Variants in MAP2K4 observed in about 807,000 individuals in gnomAD.
MAP2K4 encodes mitogen-activated protein kinase kinase 4, also known as dual specificity mitogen-activated protein kinase kinase 4.
In MAP2K4, 4 loss-of-function variants were observed where a neutral mutation model predicts 48.5. The observed-to-expected ratio is 0.08, with a 90% confidence interval of 0.04 to 0.19. The LOEUF (loss-of-function observed/expected upper bound fraction) is 0.19. Among genes scored for constraint, MAP2K4 ranks in the 10% least tolerant of loss-of-function variants. MAP2K4 has a pLI of 1.00. For synonymous variants in MAP2K4, 166 were observed against 173.1 expected, an observed-to-expected ratio of 0.96 and a Z score of 0.32; for missense variants, 258 against 493.3, an observed-to-expected ratio of 0.52 and a Z score of 4.52.
At chr17:12,099,963 G>A (rs1285229694) in intron 4 of MAP2K4, among the ~76,000 whole-genome samples, 2 of 152,156 alleles carry the variant, frequency 1.3e-5, no homozygotes, top group Non-Finnish European at 2.9e-5. Flanking sequence ...AGAAGGCAGT[G>A]ATGCTGGCTG....
At chr17:12,053,231 G>GC (rs1970195051) in intron 1 of MAP2K4, among the ~76,000 whole-genome samples, 4 of 151,798 alleles carry the variant, frequency 2.6e-5, no homozygotes, top group Non-Finnish European at 4.4e-5. Context: ...TTTTCTACCA[G>GC]CAATATATCT....
chr17:12,026,620 T>TG (rs1281626976), intron 1 of MAP2K4, among the ~76,000 whole-genome samples: 1 of 152,238 alleles, frequency 6.6e-6, no homozygotes, highest in African/African-American at 2.4e-5. Flanking sequence ...CCTGGGTGAC[T>TG]GGTAGCCTTT....
intron 4 of MAP2K4, among the ~76,000 whole-genome samples, chr17:12,103,440 T>C (rs1202112916): frequency 6.6e-6 from 1 of 152,112 alleles, no homozygotes; most frequent in Non-Finnish European, 1.5e-5. Flanking sequence ...CTTTTACTTA[T>C]TTTTGCTTAA....
chr17:12,033,517 A>C (rs1597396079), intron 1 of MAP2K4, among the ~76,000 whole-genome samples: 1 of 152,220 alleles, frequency 6.6e-6, no homozygotes, highest in African/African-American at 2.4e-5. Context: ...TCAAGCAGTT[A>C]GACCCTAGGA....
At chr17:12,097,526 A>G (rs1971796289) in intron 4 of MAP2K4, among the ~76,000 whole-genome samples, 1 of 152,236 alleles carries the variant, frequency 6.6e-6, no homozygotes, top group Admixed American at 6.5e-5. Context: ...TGTCTGAACA[A>G]TATTCCCATG....
intron 2 of MAP2K4, among the ~76,000 whole-genome samples, chr17:12,068,768 C>T (rs920984321): frequency 2.8e-5 from 4 of 145,240 alleles, no homozygotes; most frequent in African/African-American, 7.4e-5. Flanking sequence ...ATATATATAG[C>T]GTGTGTGTAT....
At chr17:12,054,062 T>C (rs1173029601) in intron 1 of MAP2K4, among the ~76,000 whole-genome samples, 1 of 152,162 alleles carries the variant, frequency 6.6e-6, no homozygotes, top group Non-Finnish European at 1.5e-5. Flanking sequence ...GACTTATTGA[T>C]ATAGAAAGAA....
At chr17:12,116,418 A>G (rs1005935078) in intron 7 of MAP2K4, among the ~76,000 whole-genome samples, 2 of 152,156 alleles carry the variant, frequency 1.3e-5, no homozygotes, top group Non-Finnish European at 2.9e-5. Context: ...CATGACATTT[A>G]TAAAAATTTT....
chr17:12,064,643 TTAGA>T (rs1238507839), intron 2 of MAP2K4, among the ~76,000 whole-genome samples: 1 of 152,168 alleles, frequency 6.6e-6, no homozygotes, highest in African/African-American at 2.4e-5. Context: ...TACAACCACT[TTAGA>T]AAACTCTGCT....
intron 3 of MAP2K4, among the ~76,000 whole-genome samples, chr17:12,086,646 G>C (rs1971372693): frequency 6.6e-6 from 1 of 152,062 alleles, no homozygotes; most frequent in African/African-American, 2.4e-5. Flanking sequence ...GAATTAATAG[G>C]GGTACAATTA....
At chr17:12,085,061 C>A (rs1971315917) in intron 3 of MAP2K4, among the ~76,000 whole-genome samples, 1 of 152,190 alleles carries the variant, frequency 6.6e-6, no homozygotes, top group African/African-American at 2.4e-5. Context: ...TGTAAAAAAT[C>A]CTGCATGCCT....
intron 1 of MAP2K4, among the ~76,000 whole-genome samples, chr17:12,034,128 C>A (rs78397912): frequency 0.059 from 8,944 of 152,184 alleles, 346 homozygotes; most frequent in East Asian, 0.16. Context: ...CATTATTGTT[C>A]TTTTATTTAA....
At chr17:12,090,101 C>T (rs768512055) in intron 3 of MAP2K4, among the ~76,000 whole-genome samples, 1 of 152,112 alleles carries the variant, frequency 6.6e-6, no homozygotes, top group Non-Finnish European at 1.5e-5. Flanking sequence ...ACTTGTCATC[C>T]GATCCTTTTT....
intron 2 of MAP2K4, among the ~76,000 whole-genome samples, chr17:12,055,622 A>AT (rs765883941): frequency 2.2e-4 from 33 of 151,340 alleles, no homozygotes; most frequent in African/African-American, 4.6e-4. Context: ...TGGCAGATAC[A>AT]TTTTTTTTTA....
intron 1 of MAP2K4, among the ~76,000 whole-genome samples, chr17:12,047,866 T>C (rs978265862): frequency 2.1e-4 from 32 of 152,222 alleles, no homozygotes; most frequent in African/African-American, 7.7e-4. Flanking sequence ...CAGACTGTTT[T>C]TATCCTGGTT....
At chr17:12,053,503 A>T (rs1019470879) in intron 1 of MAP2K4, among the ~76,000 whole-genome samples, 2 of 146,890 alleles carry the variant, frequency 1.4e-5, no homozygotes, top group African/African-American at 2.5e-5. Flanking sequence ...CCAAGGTTCA[A>T]TTTTTTTTTA....
intron 2 of MAP2K4, among the ~76,000 whole-genome samples, chr17:12,072,625 G>A (rs1464087297): frequency 6.6e-6 from 1 of 152,008 alleles, no homozygotes; most frequent in Non-Finnish European, 1.5e-5. Context: ...AATAAAATCA[G>A]GTATAAAGCA....
intron 4 of MAP2K4, among the ~76,000 whole-genome samples, chr17:12,097,723 GA>G (rs1415076412): frequency 2.0e-5 from 3 of 152,208 alleles, no homozygotes; most frequent in Non-Finnish European, 4.4e-5. Context: ...ATAGGAAAAT[GA>G]AATTTAGTGT....
intron 7 of MAP2K4, among the ~76,000 whole-genome samples, chr17:12,115,233 C>T (rs1972450480): frequency 6.6e-6 from 1 of 152,202 alleles, no homozygotes; most frequent in South Asian, 2.1e-4. Flanking sequence ...ATTTTCCCAA[C>T]TCCATACCCT....
Sources: allele counts gnomAD v4.1 joint callset (sites outside exome capture counted in the v4.1 genomes callset), GRCh38; gene constraint gnomAD v4.1.1; transcripts MANE v1.5; gene names NCBI Gene and HGNC (gene_info 2026-07-23, HGNC 2026-07-21).